The following MYO3B variants were observed in gnomAD, a reference collection of about 807,000 sequenced individuals.
MYO3B encodes myosin-IIIb.
Under a neutral mutation model 174.6 loss-of-function variants are expected in MYO3B, and 156 were observed. The ratio of observed to expected loss-of-function variants is 0.89; its 90% CI spans 0.78 to 1.02. The LOEUF (loss-of-function observed/expected upper bound fraction) is 1.02, where lower values mean the gene tolerates loss of function less well. Ranked by LOEUF, MYO3B falls within the 50% of genes least tolerant of loss-of-function variation. The pLI, the probability that MYO3B is intolerant of heterozygous loss-of-function variation, is 0.00. For synonymous variants in MYO3B, 563 were observed against 569.1 expected (o/e 0.99, Z 0.15); for missense variants, 1,632 against 1,639.4 (o/e 1.00, Z 0.08).
At chr2:170,341,107 G>A (rs2093974228) in intron 8 of MYO3B, 1 of 152,128 alleles carries the variant, frequency 6.6e-6, no homozygotes, top group South Asian at 2.1e-4. Flanking sequence ...ATGGTCATTT[G>A]CATATGTTTA....
chr2:170,330,548 G>A (rs1399390311), intron 7 of MYO3B, among the ~76,000 whole-genome samples: 3 of 152,296 alleles, frequency 2.0e-5, no homozygotes, highest in East Asian at 3.9e-4. Context: ...TGACCTACAT[G>A]TGAAGCACTT....
intron 25 of MYO3B, among the ~76,000 whole-genome samples, chr2:170,470,153 G>C (rs909514884): frequency 2.8e-4 from 41 of 144,542 alleles, no homozygotes; most frequent in Non-Finnish European, 4.5e-5. Context: ...ACAGTTCAAA[G>C]GTTTTTAATT....
At chr2:170,581,866 G>A (rs1227316882) in intron 32 of MYO3B, among the ~76,000 whole-genome samples, 1 of 152,126 alleles carries the variant, frequency 6.6e-6, no homozygotes, top group Non-Finnish European at 1.5e-5. Context: ...TCTCAGGCAA[G>A]ATTTTTTCAT....
At chr2:170,592,338 C>T (rs1693868495) in intron 32 of MYO3B, among the ~76,000 whole-genome samples, 1 of 152,092 alleles carries the variant, frequency 6.6e-6, no homozygotes, top group Non-Finnish European at 1.5e-5. Flanking sequence ...ACATAGGATT[C>T]AAGTGAAAGT....
intron 32 of MYO3B, among the ~76,000 whole-genome samples, chr2:170,576,473 T>C (rs1692790612): frequency 6.6e-6 from 1 of 152,160 alleles, no homozygotes; most frequent in South Asian, 2.1e-4. Flanking sequence ...GTCCCTCTTC[T>C]CCCTCGTGCC....
chr2:170,445,884 TGCCTTG>T (rs977623145), intron 23 of MYO3B, among the ~76,000 whole-genome samples: 1 of 152,162 alleles, frequency 6.6e-6, no homozygotes, highest in Non-Finnish European at 1.5e-5. Flanking sequence ...GTGATCCTTC[TGCCTTG>T]GCCTCCCAAA....
chr2:170,341,247 CA>C (rs1052606198), intron 8 of MYO3B: 1 of 152,202 alleles, frequency 6.6e-6, no homozygotes, highest in Non-Finnish European at 1.5e-5. Context: ...CAACAATTCT[CA>C]GCTCTTAGCC....
chr2:170,271,764 A>G (rs1246390602), intron 7 of MYO3B, among the ~76,000 whole-genome samples: 1 of 152,222 alleles, frequency 6.6e-6, no homozygotes, highest in Non-Finnish European at 1.5e-5. Flanking sequence ...TTTTAACCAC[A>G]AACAAGCCAA....
intron 32 of MYO3B, among the ~76,000 whole-genome samples, chr2:170,560,885 C>T (rs530643617): frequency 5.9e-5 from 9 of 152,302 alleles, no homozygotes; most frequent in East Asian, 1.9e-4. Context: ...GGGGTACCGA[C>T]GGGGGACAGA....
At chr2:170,471,270 G>A (rs564723264) in intron 25 of MYO3B, among the ~76,000 whole-genome samples, 11 of 152,064 alleles carry the variant, frequency 7.2e-5, no homozygotes, top group South Asian at 4.2e-4. Flanking sequence ...GGGTGGTCTC[G>A]AACTCCTGAC....
chr2:170,430,258 A>C (rs2094698450), intron 22 of MYO3B, among the ~76,000 whole-genome samples: 1 of 152,130 alleles, frequency 6.6e-6, no homozygotes, highest in South Asian at 2.1e-4. Context: ...GAGCATCATT[A>C]AACAAAAGGT....
chr2:170,581,080 A>G (rs539801548), intron 32 of MYO3B, among the ~76,000 whole-genome samples: 6 of 152,314 alleles, frequency 3.9e-5, no homozygotes, highest in South Asian at 2.1e-4. Context: ...CACATCTACC[A>G]TTCAGAATAT....
chr2:170,348,565 A>G (rs559344329), intron 8 of MYO3B: 1 of 152,210 alleles, frequency 6.6e-6, no homozygotes, highest in South Asian at 2.1e-4. Flanking sequence ...GAGGCAGAAT[A>G]TCAACATCCT....
At chr2:170,328,239 G>A (rs908618415) in intron 7 of MYO3B, among the ~76,000 whole-genome samples, 4 of 152,008 alleles carry the variant, frequency 2.6e-5, no homozygotes, top group East Asian at 1.9e-4. Context: ...TCTGTGTCAC[G>A]TATGCTGAGG....
chr2:170,350,170 T>A (rs1206077739), intron 8 of MYO3B: 1 of 152,136 alleles, frequency 6.6e-6, no homozygotes, highest in Non-Finnish European at 1.5e-5. Context: ...GCTAATTTTC[T>A]GTATGTTTAG....
At chr2:170,236,578 T>A (rs1434573701) in intron 7 of MYO3B, among the ~76,000 whole-genome samples, 1 of 152,262 alleles carries the variant, frequency 6.6e-6, no homozygotes, top group African/African-American at 2.4e-5. Flanking sequence ...ACATCAGCGC[T>A]ATATCTTACT....
chr2:170,594,362 G>C (rs1694007725), intron 32 of MYO3B, among the ~76,000 whole-genome samples: 1 of 152,192 alleles, frequency 6.6e-6, no homozygotes, highest in African/African-American at 2.4e-5. Context: ...GATGAGAGAT[G>C]AGGAGAGGAG....
At chr2:170,575,625 A>G (rs1322715113) in intron 32 of MYO3B, among the ~76,000 whole-genome samples, 1 of 152,246 alleles carries the variant, frequency 6.6e-6, no homozygotes, top group Non-Finnish European at 1.5e-5. Flanking sequence ...CCCTAAACAG[A>G]TATGGGCCAA....
intron 32 of MYO3B, among the ~76,000 whole-genome samples, chr2:170,638,171 T>C (rs1697680546): frequency 6.6e-6 from 1 of 152,016 alleles, no homozygotes; most frequent in South Asian, 2.1e-4. Context: ...ATGTCATTCA[T>C]ACTAATGACT....
Sources: gnomAD v4.1 joint callset for allele counts (sites outside exome capture counted in the v4.1 genomes callset) on GRCh38, gnomAD v4.1.1 for gene constraint, MANE v1.5 for transcripts, NCBI Gene and HGNC (gene_info 2026-07-23, HGNC 2026-07-21) for gene names.